The following TMEM175 variants were observed in gnomAD, a reference collection of about 807,000 sequenced individuals.
TMEM175 encodes transmembrane protein 175.
In TMEM175, 36 loss-of-function variants were observed where a neutral mutation model predicts 36.5. The ratio of observed to expected loss-of-function variants is 0.99; its 90% CI spans 0.76 to 1.30. The LOEUF (loss-of-function observed/expected upper bound fraction) is 1.30, where lower values mean the gene tolerates loss of function less well. Ranked by LOEUF, TMEM175 falls within the 50% of genes most tolerant of loss-of-function variation. The pLI is 0.00. For synonymous variants in TMEM175, 339 were observed against 313.4 expected (o/e 1.08, Z -0.86); for missense variants, 705 against 692.8 (o/e 1.02, Z -0.20).
chr4:937,986 T>C (rs1726985094), intron 1 of TMEM175, among the ~76,000 whole-genome samples: 2 of 149,860 alleles, frequency 1.3e-5, no homozygotes, highest in South Asian at 4.2e-4. Context: ...CCAACATCCA[T>C]TACTGATTTA....
Position 954,481 on chromosome 4 carries a change from G to C in TMEM175, c.628-924G>C, listed in dbSNP as rs556565907. Among the ~76,000 whole-genome samples, 6 of 151,532 alleles carry C rather than the reference G, an allele frequency of 4.0e-5. 2 individuals carry two copies. The highest frequency in any genetic ancestry group is 3.9e-4 in the Admixed American group (6 of 15,240). ...GCACTGCTGGAGACGTGTAGGTGTC[G>C]TGAGTGGCGCCGCTGTGAGCACTGC... On this transcript the variant is annotated intron_variant, in intron 8 of 10. Transcript: ENST00000264771.
intron 4 of TMEM175, 111 bp downstream of exon 4, chr4:950,629 C>A: frequency 1.2e-6 from 1 of 807,646 alleles, no homozygotes. Flanking sequence ...GCTACTCCTC[C>A]CACCCTCATC....
In TMEM175 at chr4:958,377, G is replaced by A. The variant is rs747444581; in HGVS notation, c.1396G>A (p.Val466Met). 36 of 1,602,450 alleles carry A rather than the reference G, an allele frequency of 2.2e-5. No homozygotes were observed. Among genetic ancestry groups the A allele is most frequent in the African/African-American group, 1.1e-4 (8 of 74,922 alleles). Residue 466 changes from valine to methionine, a missense_variant, in exon 11 of 11, where the codon GTG (valine) becomes ATG (methionine). By Grantham distance (21) the Val-to-Met change is conservative. Coordinates refer to ENST00000264771, the MANE Select transcript of TMEM175 (RefSeq NM_032326.4). Reference protein sequence around the residue: ...PCAFLLLRLLVGLALATLRVL... With the variant: ...PCAFLLLRLLMGLALATLRVL... ...CGCCTTCCTGTTGCTGCGCCTGCTC[G>A]TGGGCCTGGCCCTGGCCACCCTGCG...
At position 955,725 on chromosome 4, in the gene TMEM175, G is replaced by T. The variant is rs758890830; in HGVS notation, c.707-30G>T. 6.8e-6 allele frequency: 11 copies of T among 1,605,888 alleles called. No individual in the cohort carries two copies. In the East Asian group the frequency reaches 2.0e-4, roughly 29 times the overall value. On this transcript the variant is annotated intron_variant, in intron 9 of 10. Transcript: ENST00000264771. Reference sequence around the variant, plus strand: ...GCTCTACCTCCACATGGGGGGTTTGGCCAGCTCCACCCTCCTGGCGTGTCC... The same window carrying T: ...GCTCTACCTCCACATGGGGGGTTTGTCCAGCTCCACCCTCCTGGCGTGTCC...
chr4:954,856 T>C (rs1038490124), intron 8 of TMEM175, among the ~76,000 whole-genome samples: 3 of 152,214 alleles, frequency 2.0e-5, no homozygotes, highest in African/African-American at 7.2e-5. Context: ...AATCTCGTTG[T>C]GGTTTTGATC....
intron 1 of TMEM175, among the ~76,000 whole-genome samples, chr4:933,259 T>C (rs1369785588): frequency 3.9e-5 from 6 of 152,030 alleles, no homozygotes; most frequent in Non-Finnish European, 5.9e-5. Flanking sequence ...GTAATCCCAG[T>C]GCTTTGGGAG....
Position 947,756 on chromosome 4 carries a change from C to T in TMEM175, c.17C>T (p.Thr6Ile), listed in dbSNP as rs1389380513. MSQPR[T>I]PEQALDTPGD... Reference sequence around the variant, plus strand: ...GGCCCCGCCATGTCCCAGCCCCGGACCCCAGAGCAGGCACTGGATACACCG... The same window carrying T: ...GGCCCCGCCATGTCCCAGCCCCGGATCCCAGAGCAGGCACTGGATACACCG... The change falls in exon 2 of 11, where the codon ACC becomes ATC. Residue 6 changes from threonine (T) to isoleucine (I), a missense_variant. By Grantham distance (89) the Thr-to-Ile change is moderately conservative. Transcript: ENST00000264771. 7.5e-6 allele frequency: 12 copies of T among 1,609,760 alleles called. No homozygotes were observed. The highest frequency in any genetic ancestry group is 1.0e-5 in the Non-Finnish European group (12 of 1,178,056).
chr4:953,307 GC>G lies in TMEM175; in HGVS notation c.583del (p.Leu195CysfsTer19), dbSNP rs767051150. ...HVLGIVLQGP[A>X]LCFAAAIFSL... The stretch of plus-strand genomic sequence containing the variant: ...CCTGGGCATCGTCCTCCAAGGCCCG[GC>G]CCTGTGCTTTGCAGCGGCCATCTTC... On this transcript the variant is annotated frameshift_variant, in exon 8 of 11. Transcript: ENST00000264771. LOFTEE classifies it high-confidence loss of function. The G allele has an allele frequency of 6.2e-7, 1 of 1,614,058 alleles. No individual in the cohort carries two copies. The highest frequency in any genetic ancestry group is 8.5e-7 in the Non-Finnish European group (1 of 1,179,956).
intron 8 of TMEM175, 128 bp downstream of exon 8, chr4:953,482 TTG>T: frequency 8.3e-7 from 1 of 1,203,540 alleles, no homozygotes; most frequent in Non-Finnish European, 1.1e-6. Flanking sequence ...ACCCAGGGTC[TTG>T]TGTGTGAGGC....
In TMEM175 at chr4:957,822, A is replaced by G; in HGVS notation, c.843-2A>G. The G allele has an allele frequency of 6.2e-7, 1 of 1,601,526 alleles. No individual in the cohort carries two copies. ...ACAAATGCATCTATTCACTGTTCTC[A>G]GCGAAGACAACGTCCCGGACCCCAA... On this transcript the variant is annotated splice_acceptor_variant, in intron 10 of 10. Coordinates refer to ENST00000264771, the MANE Select transcript of TMEM175 (RefSeq NM_032326.4). LOFTEE classifies it high-confidence loss of function.
At chr4:948,666 G>A (rs1728494250) in intron 3 of TMEM175, 1 of 1,216,998 alleles carries the variant, frequency 8.2e-7, no homozygotes, top group Non-Finnish European at 1.0e-6. Context: ...CTGTTTCTGA[G>A]CTAAAGAGCC....
In TMEM175 at chr4:955,888, C is replaced by T. The variant is rs781244354; in HGVS notation, c.840C>T (p.Ile280=). The part of the protein sequence containing the change: ...AIVATLLILD[I]CEDNVPDPKD... Reference sequence around the variant, plus strand: ...TGGCCACGCTTCTCATCCTGGACATCTGGTGAGGACCCCGCGTCACCTGCC... The same window carrying T: ...TGGCCACGCTTCTCATCCTGGACATTTGGTGAGGACCCCGCGTCACCTGCC... Residue 280 remains isoleucine, a splice_region_variant and synonymous_variant, in exon 10 of 11, where the codon ATC becomes ATT. Coordinates refer to ENST00000264771, the MANE Select transcript of TMEM175 (RefSeq NM_032326.4). 2 of 1,612,576 alleles carry T rather than the reference C, an allele frequency of 1.2e-6. No homozygotes were observed. The highest frequency in any genetic ancestry group is 1.7e-6 in the Non-Finnish European group (2 of 1,178,884).
At chr4:955,916 A>C (rs1729564075) in intron 10 of TMEM175, 26 bp downstream of exon 10, 2 of 1,605,848 alleles carry the variant, frequency 1.2e-6, no homozygotes, top group African/African-American at 2.7e-5. Flanking sequence ...CACCTGCCCC[A>C]GCTATCAGGT....
Position 953,136 on chromosome 4 carries a change from T to TGG in TMEM175, c.463-50_463-49dup, listed in dbSNP as rs1729164571. On this transcript the variant is annotated intron_variant, in intron 7 of 10. Coordinates refer to ENST00000264771, the MANE Select transcript of TMEM175 (RefSeq NM_032326.4). ...CATGCAGCCCGGGGGTTGACTGCTG[T>TGG]GGGGGCCCCCTCTGCTCTTGGGGCC... 2.6e-6 allele frequency: 4 copies of TGG among 1,536,698 alleles called. No homozygotes were observed. The Admixed American group carries it at 7.7e-5, about 30-fold the overall frequency.
chr4:952,246 T>C, intron 6 of TMEM175, 121 bp from the exon 7 acceptor site: 1 of 857,452 alleles, frequency 1.2e-6, no homozygotes, highest in Non-Finnish European at 1.9e-6. Flanking sequence ...CATCCTGTGA[T>C]GGCCCCACCG....
intron 5 of TMEM175, among the ~76,000 whole-genome samples, 198 bp from the exon 6 acceptor site, chr4:951,484 G>A (rs1035346309): frequency 6.6e-6 from 1 of 152,212 alleles, no homozygotes; most frequent in African/African-American, 2.4e-5. Flanking sequence ...AGGGGCACTG[G>A]GTTGGGCACA....
In TMEM175 at chr4:957,769, G is replaced by A. The variant is rs954805540; in HGVS notation, c.843-55G>A. Reference sequence around the variant, plus strand: ...TGACAGGCGCTCAGCCACCCTGCTGGGGCCTGTGTGGCCACGGCAAGGCCG... The same window carrying A: ...TGACAGGCGCTCAGCCACCCTGCTGAGGCCTGTGTGGCCACGGCAAGGCCG... On this transcript the variant is annotated intron_variant, in intron 10 of 10. Coordinates refer to ENST00000264771, the MANE Select transcript of TMEM175 (RefSeq NM_032326.4). 3.9e-6 allele frequency: 6 copies of A among 1,533,096 alleles called. No homozygotes were observed. The Middle Eastern group carries it at 6.9e-4, about 177-fold the overall frequency. The allele number at this position is 1,533,096 out of a possible 1,614,324, so 95.0% of individuals were successfully genotyped here. A position where few individuals can be genotyped will look rare whatever the true frequency, so the allele number is the denominator to read the frequency against.
At chr4:955,272 C>A in intron 8 of TMEM175, 133 bp from the exon 9 acceptor site, 1 of 669,118 alleles carries the variant, frequency 1.5e-6, no homozygotes. Context: ...GGGTACTAGG[C>A]CCCATCAGAT....
intron 10 of TMEM175, 88 bp downstream of exon 10, chr4:955,978 C>T: frequency 6.7e-7 from 1 of 1,497,196 alleles, no homozygotes; most frequent in South Asian, 1.2e-5. Context: ...CCCAGAAAGG[C>T]ACAGGGGTCT....
Sources: gnomAD v4.1 joint callset for allele counts (sites outside exome capture counted in the v4.1 genomes callset) on GRCh38, gnomAD v4.1.1 for gene constraint, MANE v1.5 for transcripts, NCBI Gene and HGNC (gene_info 2026-07-23, HGNC 2026-07-21) for gene names.